Variants in KCNJ1 observed in about 807,000 individuals in gnomAD.
KCNJ1 encodes potassium inwardly rectifying channel subfamily J member 1.
Under a neutral mutation model 21.9 loss-of-function variants are expected in KCNJ1, and 24 were observed. That is an observed-to-expected ratio of 1.10 (90% CI 0.79 to 1.54). The LOEUF (loss-of-function observed/expected upper bound fraction) is 1.54, where lower values mean the gene tolerates loss of function less well. KCNJ1 is among the 40% of genes most tolerant of loss of function. The pLI is 0.00. For synonymous variants in KCNJ1, 152 were observed against 160.9 expected, an observed-to-expected ratio of 0.94 and a Z score of 0.42; for missense variants, 457 against 455.4, an observed-to-expected ratio of 1.00 and a Z score of -0.03.
intron 1 of KCNJ1, among the ~76,000 whole-genome samples, chr11:128,858,302 A>G (rs1279647842): frequency 6.6e-6 from 1 of 151,934 alleles, no homozygotes; most frequent in Non-Finnish European, 1.5e-5. Flanking sequence ...AAAAACATCC[A>G]CTCCTTAAGG....
chr11:128,843,892 C>T (rs1279408452), intron 2 of KCNJ1, among the ~76,000 whole-genome samples: 1 of 152,162 alleles, frequency 6.6e-6, no homozygotes, highest in Non-Finnish European at 1.5e-5. Context: ...ACTCCCATTT[C>T]AGCAGAGAGG....
At chr11:128,844,011 C>A (rs1943335337) in intron 2 of KCNJ1, among the ~76,000 whole-genome samples, 1 of 152,174 alleles carries the variant, frequency 6.6e-6, no homozygotes, top group South Asian at 2.1e-4. Flanking sequence ...GAACTGTAAC[C>A]CTGAGGCCAA....
chr11:128,842,579 AC>A, intron 2 of KCNJ1: 1 of 1,466,040 alleles, frequency 6.8e-7, no homozygotes, highest in East Asian at 2.5e-5. Flanking sequence ...TGTGATTTAA[AC>A]CAAGGCAATT....
chr11:128,842,370 G>C (rs1439579385), intron 2 of KCNJ1: 1 of 1,613,696 alleles, frequency 6.2e-7, no homozygotes, highest in South Asian at 1.1e-5. Flanking sequence ...GATTTCCCCA[G>C]CCTCCACTTA....
intron 1 of KCNJ1, among the ~76,000 whole-genome samples, chr11:128,863,419 C>A (rs11600347): frequency 0.062 from 9,475 of 152,260 alleles, 393 homozygotes; most frequent in Admixed American, 0.093. Flanking sequence ...GTTTACAAAG[C>A]ATGGTAATGG....
chr11:128,856,341 A>G (rs1160078230), intron 1 of KCNJ1, among the ~76,000 whole-genome samples: 1 of 152,252 alleles, frequency 6.6e-6, no homozygotes, highest in East Asian at 1.9e-4. Context: ...GGAGGCAACC[A>G]GGGCACAGGG....
intron 1 of KCNJ1, among the ~76,000 whole-genome samples, chr11:128,865,326 C>G (rs1943797574): frequency 6.6e-6 from 1 of 152,098 alleles, no homozygotes; most frequent in African/African-American, 2.4e-5. Flanking sequence ...CGTGTGAGAG[C>G]CTGTTTCCAT....
chr11:128,842,822 C>T lies in KCNJ1; in HGVS notation c.-21-2558G>A, dbSNP rs143793591. On this transcript the variant is annotated intron_variant, in intron 2 of 2. Transcript: ENST00000392666. ...CTGGCCGGAAACACTTACTTATCATCAATCTCCCGGCCTATTCTCTGAAAC... is the reference window on the plus strand; with the variant it reads ...CTGGCCGGAAACACTTACTTATCATTAATCTCCCGGCCTATTCTCTGAAAC... Among the ~76,000 whole-genome samples the T allele has an allele frequency of 2.8e-3, 431 of 152,320 alleles. 3 individuals carry two copies. Among genetic ancestry groups the T allele is most frequent in the Middle Eastern group, 0.01 (3 of 294 alleles).
In KCNJ1 at chr11:128,850,815, C is replaced by G; in HGVS notation, c.-116G>C. 1 of 985,454 alleles carries G rather than the reference C, an allele frequency of 1.0e-6. No individual in the cohort carries two copies. The highest frequency in any genetic ancestry group is 1.2e-6 in the Non-Finnish European group (1 of 829,914). 61.0% of individuals were successfully genotyped at this position (985,454 alleles called of 1,614,324 possible). ...AAGAGCTGCTTGGTTTGGGATTCCA[C>G]CTGTGGGGCTCAGAACTTGTCACAC... is the stretch of plus-strand genomic sequence containing the variant. On this transcript the variant is annotated 5_prime_UTR_variant, in exon 2 of 3. Transcript: ENST00000392666.
intron 2 of KCNJ1, among the ~76,000 whole-genome samples, chr11:128,850,246 A>C (rs1943460437): frequency 6.6e-6 from 1 of 152,144 alleles, no homozygotes; most frequent in African/African-American, 2.4e-5. Context: ...AAAGACATTT[A>C]AATGTCAGTT....
chr11:128,861,787 G>T (rs993203747), intron 1 of KCNJ1, among the ~76,000 whole-genome samples: 2 of 151,960 alleles, frequency 1.3e-5, no homozygotes, highest in African/African-American at 4.8e-5. Context: ...TCCATTTCCC[G>T]CTGAAATGGA....
chr11:128,846,654 G>A (rs1466317180), intron 2 of KCNJ1, among the ~76,000 whole-genome samples: 2 of 152,204 alleles, frequency 1.3e-5, no homozygotes, highest in Non-Finnish European at 2.9e-5. Flanking sequence ...GTCTTGGAGA[G>A]GTGGGAACAG....
chr11:128,848,831 G>A (rs73025208), intron 2 of KCNJ1, among the ~76,000 whole-genome samples: 16,457 of 152,258 alleles, frequency 0.11, 1,228 homozygotes, highest in Non-Finnish European at 0.17. Flanking sequence ...TTGAGCCAGG[G>A]TTGAGAAGGT....
intron 2 of KCNJ1, among the ~76,000 whole-genome samples, chr11:128,843,906 G>A (rs902890573): frequency 5.9e-5 from 9 of 152,172 alleles, no homozygotes; most frequent in African/African-American, 2.2e-4. Context: ...AGAGAGGGTG[G>A]TGCAAATGTG....
rs750273924 is a variant in KCNJ1 at position 128,839,271 on chromosome 11, A to C, written c.973T>G (p.Phe325Val). The change falls in exon 3 of 3, where the codon TTT becomes GTT. Residue 325 changes from phenylalanine (F) to valine (V), a missense_variant. Coordinates refer to ENST00000392666, the MANE Select transcript of KCNJ1 (RefSeq NM_153766.3). ...GTCTCCACTTCCACTGTCTTGCTAAAGTTATGGAAATCCACTCGGTATTTC... is the reference window on the plus strand; with the variant it reads ...GTCTCCACTTCCACTGTCTTGCTAACGTTATGGAAATCCACTCGGTATTTC... Reference protein sequence around the residue: ...EGKYRVDFHNFSKTVEVETPH... With the variant: ...EGKYRVDFHNVSKTVEVETPH... 1.2e-6 allele frequency: 2 copies of C among 1,614,178 alleles called. No individual in the cohort carries two copies. Among genetic ancestry groups the C allele is most frequent in the South Asian group, 2.2e-5 (2 of 91,088 alleles).
intron 1 of KCNJ1, among the ~76,000 whole-genome samples, chr11:128,858,684 A>G (rs1943638725): frequency 6.6e-6 from 1 of 152,220 alleles, no homozygotes; most frequent in Non-Finnish European, 1.5e-5. Flanking sequence ...GGGTAAACTC[A>G]GTAGTTTACG....
In KCNJ1 at chr11:128,840,272, C is replaced by T. The variant is rs560310704; in HGVS notation, c.-21-8G>A. ...TTCTGTCAACACCCTGATCTGAAAA[C>T]ACATCAAAGAAAAACAAAAAAGGAT... is the stretch of plus-strand genomic sequence containing the variant. On this transcript the variant is annotated splice_polypyrimidine_tract_variant and splice_region_variant and intron_variant, in intron 2 of 2. Coordinates refer to ENST00000392666, the MANE Select transcript of KCNJ1 (RefSeq NM_153766.3). 6.2e-7 allele frequency: 1 copy of T among 1,613,954 alleles called. No individual in the cohort carries two copies. The highest frequency in any genetic ancestry group is 1.3e-5 in the African/African-American group (1 of 75,030).
intron 2 of KCNJ1, among the ~76,000 whole-genome samples, chr11:128,849,881 C>T (rs1591412602): frequency 1.3e-5 from 2 of 152,244 alleles, no homozygotes; most frequent in South Asian, 4.1e-4. Flanking sequence ...GGAGGCAACA[C>T]CTCCAACCCC....
At chr11:128,865,062 G>T (rs1283074566) in intron 1 of KCNJ1, among the ~76,000 whole-genome samples, 1 of 151,956 alleles carries the variant, frequency 6.6e-6, no homozygotes, top group Non-Finnish European at 1.5e-5. Context: ...AGCCACACCA[G>T]CCTGGTATTC....
Sources: allele counts gnomAD v4.1 joint callset (sites outside exome capture counted in the v4.1 genomes callset), GRCh38; gene constraint gnomAD v4.1.1; transcripts MANE v1.5; gene names NCBI Gene and HGNC (gene_info 2026-07-23, HGNC 2026-07-21).